Variants in HPSE2 observed in about 807,000 individuals in gnomAD.
The protein encoded by HPSE2 is inactive heparanase-2.
In HPSE2, 38 loss-of-function variants were observed where a neutral mutation model predicts 60.5. That is an observed-to-expected ratio of 0.63 (90% CI 0.48 to 0.82). The LOEUF (loss-of-function observed/expected upper bound fraction) is 0.82, where lower values mean the gene tolerates loss of function less well. HPSE2 is among the 40% of genes least tolerant of loss of function. HPSE2 has a pLI of 0.00. For synonymous variants in HPSE2, 295 were observed against 293.2 expected (o/e 1.01, Z -0.06); for missense variants, 713 against 740.4 (o/e 0.96, Z 0.43).
At chr10:98,521,783 C>T (rs577556382) in intron 9 of HPSE2, among the ~76,000 whole-genome samples, 169 of 152,244 alleles carry the variant, frequency 1.1e-3, no homozygotes, top group African/African-American at 3.9e-3. Flanking sequence ...CACATATACA[C>T]CATAGAATAC....
intron 7 of HPSE2, among the ~76,000 whole-genome samples, chr10:98,640,715 C>CA (rs1462337887): frequency 8.5e-5 from 13 of 152,124 alleles, no homozygotes; most frequent in African/African-American, 3.1e-4. Context: ...AAAGGGTCCC[C>CA]ATTCCCTGGA....
chr10:98,616,629 A>T (rs1333103478), intron 8 of HPSE2, among the ~76,000 whole-genome samples: 2 of 152,314 alleles, frequency 1.3e-5, no homozygotes, highest in East Asian at 3.9e-4. Context: ...TTCTCAAAAA[A>T]ACTAACAAAT....
chr10:98,704,556 A>G (rs1948496590), intron 5 of HPSE2, among the ~76,000 whole-genome samples: 1 of 152,208 alleles, frequency 6.6e-6, no homozygotes, highest in Non-Finnish European at 1.5e-5. Context: ...CTTGTCCCAA[A>G]ACAGACATAA....
chr10:98,625,044 T>C (rs947716177), intron 7 of HPSE2, among the ~76,000 whole-genome samples: 2 of 152,256 alleles, frequency 1.3e-5, no homozygotes, highest in Admixed American at 6.5e-5. Flanking sequence ...TTATTCACTT[T>C]TGTATTTACT....
intron 2 of HPSE2, among the ~76,000 whole-genome samples, chr10:99,163,040 T>C (rs1846907942): frequency 6.6e-6 from 1 of 152,040 alleles, no homozygotes; most frequent in Admixed American, 6.6e-5. Context: ...AAACTCTGTC[T>C]CTACTAAAAT....
intron 4 of HPSE2, among the ~76,000 whole-genome samples, chr10:98,723,690 T>C (rs1259744874): frequency 1.3e-5 from 2 of 152,214 alleles, no homozygotes; most frequent in African/African-American, 4.8e-5. Flanking sequence ...GGTTTAGTCT[T>C]GGCAGAGTGT....
chr10:99,295,353 T>TA, the HPSE2 span, among the ~76,000 whole-genome samples: 2 of 152,094 alleles, frequency 1.3e-5, no homozygotes, highest in Admixed American at 6.5e-5. Context: ...CTCAGGAGAA[T>TA]GAATTATGGT....
chr10:98,525,157 C>T (rs145280994), intron 9 of HPSE2, among the ~76,000 whole-genome samples: 3,216 of 152,168 alleles, frequency 0.021, 119 homozygotes, highest in African/African-American at 0.072. Flanking sequence ...ATTACAGGTG[C>T]CCACCACCAT....
chr10:98,547,483 T>C (rs1174153979), intron 9 of HPSE2, among the ~76,000 whole-genome samples: 7 of 147,384 alleles, frequency 4.7e-5, no homozygotes, highest in African/African-American at 1.7e-4. Flanking sequence ...CCATAAAAAA[T>C]GATGAGTTCA....
the HPSE2 span, among the ~76,000 whole-genome samples, chr10:99,248,530 T>C: frequency 7.4e-4 from 112 of 152,310 alleles, no homozygotes; most frequent in African/African-American, 2.6e-3. Flanking sequence ...AAACTGGAAC[T>C]TATATTTAAA....
chr10:99,188,351 G>C (rs535963031), intron 2 of HPSE2, among the ~76,000 whole-genome samples: 1 of 152,250 alleles, frequency 6.6e-6, no homozygotes, highest in East Asian at 1.9e-4. Context: ...CAGTATGGTA[G>C]TAGCTAATGA....
chr10:98,843,720 A>C lies in HPSE2; in HGVS notation c.611-99664T>G, dbSNP rs572109844. ...ATTTTACAACAAATCTACAAACAATAAATCTTCCTTTCTCTCTAAATGGCT... is the reference window on the plus strand; with the variant it reads ...ATTTTACAACAAATCTACAAACAATCAATCTTCCTTTCTCTCTAAATGGCT... On this transcript the variant is annotated intron_variant, in intron 3 of 11. Coordinates refer to ENST00000370552, the MANE Select transcript of HPSE2 (RefSeq NM_021828.5). Among the ~76,000 whole-genome samples the C allele has an allele frequency of 3.3e-5, 5 of 152,264 alleles. No individual in the cohort carries two copies. The South Asian group carries it at 1.0e-3, about 32-fold the overall frequency.
chr10:98,827,984 A>C (rs2134640816), intron 3 of HPSE2, among the ~76,000 whole-genome samples: 1 of 152,340 alleles, frequency 6.6e-6, no homozygotes, highest in African/African-American at 2.4e-5. Context: ...TGAAAGCTTC[A>C]ATTTGAAAAG....
At chr10:98,852,955 A>G (rs1952217963) in intron 3 of HPSE2, among the ~76,000 whole-genome samples, 1 of 152,330 alleles carries the variant, frequency 6.6e-6, no homozygotes, top group South Asian at 2.1e-4. Context: ...ACACTGGATC[A>G]TTTATTTATT....
At chr10:98,948,476 C>T (rs1308611073) in intron 3 of HPSE2, among the ~76,000 whole-genome samples, 2 of 152,260 alleles carry the variant, frequency 1.3e-5, no homozygotes, top group East Asian at 1.9e-4. Flanking sequence ...AACGAATTGA[C>T]ATTAGACAAT....
chr10:98,963,757 T>C (rs565297811), intron 3 of HPSE2, among the ~76,000 whole-genome samples: 1 of 152,228 alleles, frequency 6.6e-6, no homozygotes, highest in Non-Finnish European at 1.5e-5. Flanking sequence ...TTTCTCTAAG[T>C]GAAGAACATC....
At chr10:98,490,016 C>A in intron 10 of HPSE2, 35 bp downstream of exon 10, 1 of 1,613,648 alleles carries the variant, frequency 6.2e-7, no homozygotes. Flanking sequence ...GGGAGCCCCT[C>A]AGGTGGCCTT....
In HPSE2 at chr10:98,814,396, C is replaced by A. The variant is rs550129088; in HGVS notation, c.611-70340G>T. On this transcript the variant is annotated intron_variant, in intron 3 of 11. Coordinates refer to ENST00000370552, the MANE Select transcript of HPSE2 (RefSeq NM_021828.5). Reference sequence around the variant, plus strand: ...CTATAACTTGTCTATTTCTCTGTTCCATGTCAAGTAAAAATGACTACATAA... The same window carrying A: ...CTATAACTTGTCTATTTCTCTGTTCAATGTCAAGTAAAAATGACTACATAA... Among the ~76,000 whole-genome samples the A allele has an allele frequency of 2.6e-5, 4 of 152,134 alleles. No individual in the cohort carries two copies. The South Asian group carries it at 8.3e-4, about 32-fold the overall frequency.
At position 98,527,108 on chromosome 10, in the gene HPSE2, T is replaced by C. The variant is rs559938718; in HGVS notation, c.1321-36912A>G. Reference sequence around the variant, plus strand: ...GCTGATTCATCCACATGTCCTTTAATTTCTACCTCCTGATATCTTTCATCT... The same window carrying C: ...GCTGATTCATCCACATGTCCTTTAACTTCTACCTCCTGATATCTTTCATCT... On this transcript the variant is annotated intron_variant, in intron 9 of 11. Transcript: ENST00000370552. Among the ~76,000 whole-genome samples the C allele has an allele frequency of 5.3e-5, 8 of 152,280 alleles. 1 individual carries two copies. The South Asian group carries it at 1.7e-3, about 32-fold the overall frequency.
Sources: allele counts gnomAD v4.1 joint callset (sites outside exome capture counted in the v4.1 genomes callset), GRCh38; gene constraint gnomAD v4.1.1; transcripts MANE v1.5; gene names NCBI Gene and HGNC (gene_info 2026-07-23, HGNC 2026-07-21).